The following ABL1 variants were observed in gnomAD, a reference collection of about 807,000 sequenced individuals.
ABL1 encodes the protein tyrosine-protein kinase ABL1.
Under a neutral mutation model 94.7 loss-of-function variants are expected in ABL1, and 11 were observed. That is an observed-to-expected ratio of 0.12 (90% CI 0.07 to 0.19). The LOEUF is 0.19. ABL1 is among the 10% of genes least tolerant of loss of function. The pLI, the probability that ABL1 is intolerant of heterozygous loss-of-function variation, is 1.00. For synonymous variants in ABL1, 656 were observed against 622.4 expected (o/e 1.05, Z -0.80); for missense variants, 1,082 against 1,489.4 (o/e 0.73, Z 4.50).
At chr9:130,828,007 T>C (rs1196473189) in intron 1 of ABL1, among the ~76,000 whole-genome samples, 1 of 150,862 alleles carries the variant, frequency 6.6e-6, no homozygotes, top group Non-Finnish European at 1.5e-5. Context: ...GAGAGAGAGA[T>C]TGCAAATGTC....
intron 10 of ABL1, among the ~76,000 whole-genome samples, chr9:130,883,268 C>A (rs1018136978): frequency 6.6e-6 from 1 of 152,152 alleles, no homozygotes; most frequent in Non-Finnish European, 1.5e-5. Context: ...GAGGCCAAGG[C>A]GGGTGGATCA....
Position 130,814,379 on chromosome 9 carries a change from G to C in ABL1, c.137-39685G>C, listed in dbSNP as rs563072317. Among the ~76,000 whole-genome samples the C allele has an allele frequency of 7.9e-5, 12 of 152,252 alleles. No homozygotes were observed. The East Asian group carries it at 2.3e-3, about 29-fold the overall frequency. ...ACAGAAATCATGAAACCAAAAGCTA[G>C]TTATTTGAGAGAGCAATGAAACTCA... On this transcript the variant is annotated intron_variant, in intron 1 of 10. Transcript: ENST00000372348. The surrounding 1 kb of genome is among the most constrained non-coding windows in gnomAD (Gnocchi z 4.4).
chr9:130,860,432 C>T (rs577475919), intron 3 of ABL1, among the ~76,000 whole-genome samples: 4 of 152,280 alleles, frequency 2.6e-5, no homozygotes, highest in Non-Finnish European at 5.9e-5. Flanking sequence ...AACACAGTAG[C>T]CAATGGGGGA....
chr9:130,856,175 A>G (rs967572996), intron 3 of ABL1, among the ~76,000 whole-genome samples: 1 of 151,558 alleles, frequency 6.6e-6, no homozygotes, highest in African/African-American at 2.4e-5. Flanking sequence ...TGCAACCTCC[A>G]CCTCCCGGGT....
chr9:130,799,451 C>T (rs1339088468), intron 1 of ABL1, among the ~76,000 whole-genome samples: 2 of 152,176 alleles, frequency 1.3e-5, no homozygotes, highest in Non-Finnish European at 2.9e-5. Flanking sequence ...TCTTCATGTA[C>T]TTCTAAGGGG....
intron 1 of ABL1, among the ~76,000 whole-genome samples, chr9:130,738,412 A>G (rs1449158990): frequency 1.3e-5 from 2 of 152,210 alleles, no homozygotes; most frequent in African/African-American, 4.8e-5. Flanking sequence ...CTTACTAGCA[A>G]TCCGGAGTTT....
intron 1 of ABL1, among the ~76,000 whole-genome samples, chr9:130,783,033 C>T (rs1427108109): frequency 6.6e-6 from 1 of 152,182 alleles, no homozygotes; most frequent in Non-Finnish European, 1.5e-5. Flanking sequence ...TCTCTTACAC[C>T]ATCACATCAT....
intron 1 of ABL1, among the ~76,000 whole-genome samples, chr9:130,821,519 C>G (rs1288830922): frequency 6.6e-6 from 1 of 152,054 alleles, no homozygotes; most frequent in Non-Finnish European, 1.5e-5. Context: ...ACATTTTTCT[C>G]TATTCACTAG....
intron 1 of ABL1, among the ~76,000 whole-genome samples, chr9:130,784,687 C>G (rs985229892): frequency 6.6e-6 from 1 of 152,068 alleles, no homozygotes; most frequent in Non-Finnish European, 1.5e-5. Context: ...GGTTGGTGGT[C>G]TTGAATTTTT....
intron 1 of ABL1, among the ~76,000 whole-genome samples, chr9:130,829,874 T>C (rs1275754809): frequency 1.3e-5 from 2 of 152,240 alleles, no homozygotes; most frequent in Admixed American, 6.5e-5. Context: ...TGGATGGTGA[T>C]AGTATAATAC....
chr9:130,730,564 T>G (rs1452148076), intron 1 of ABL1, among the ~76,000 whole-genome samples: 1 of 152,068 alleles, frequency 6.6e-6, no homozygotes, highest in African/African-American at 2.4e-5. Context: ...TTATTTATAT[T>G]TTTTTTCCTT....
chr9:130,729,827 C>T (rs1015352558), intron 1 of ABL1, among the ~76,000 whole-genome samples: 2 of 151,660 alleles, frequency 1.3e-5, no homozygotes, highest in African/African-American at 4.8e-5. Flanking sequence ...CCTCCACCTC[C>T]TGGGTTCAAG....
chr9:130,713,710 A>C (rs1831399624), exon 1 of ABL1, among the ~76,000 whole-genome samples: 1 of 152,226 alleles, frequency 6.6e-6, no homozygotes, highest in African/African-American at 2.4e-5. Context: ...CAGGCCTTTT[A>C]AAAAGCGGAC....
upstream of ABL1, chr9:130,834,749 G>A (rs915193032): frequency 7.3e-6 from 3 of 412,648 alleles, no homozygotes; most frequent in African/African-American, 6.1e-5. Context: ...TGGTTGTCCT[G>A]TGGGTGCCAG....
intron 1 of ABL1, among the ~76,000 whole-genome samples, chr9:130,737,667 C>T (rs1444104004): frequency 6.6e-6 from 1 of 152,084 alleles, no homozygotes; most frequent in Non-Finnish European, 1.5e-5. Context: ...AGTTTAAAGC[C>T]TGCTGAGCAC....
intron 1 of ABL1, among the ~76,000 whole-genome samples, chr9:130,759,131 GA>G (rs1342462591): frequency 1.5e-5 from 2 of 134,462 alleles, no homozygotes; most frequent in African/African-American, 6.4e-5. Flanking sequence ...ACTTAAACAT[GA>G]TTTTTTAAAA....
chr9:130,771,752 C>CTTTCTTTCTTTCTTTCT (rs530081755), intron 1 of ABL1, among the ~76,000 whole-genome samples: 9 of 106,900 alleles, frequency 8.4e-5, no homozygotes, highest in African/African-American at 1.4e-4. Flanking sequence ...TTCTTTCTTT[C>CTTTCTTTCTTTCTTTCT]TTTTTTTTTT....
chr9:130,882,082 G>C (rs1831466330), intron 10 of ABL1, among the ~76,000 whole-genome samples: 1 of 152,154 alleles, frequency 6.6e-6, no homozygotes. Context: ...ATGGCGTATA[G>C]ACTCTCCAGA....
chr9:130,757,197 G>A (rs1043537487), intron 1 of ABL1, among the ~76,000 whole-genome samples: 4 of 152,162 alleles, frequency 2.6e-5, no homozygotes, highest in African/African-American at 4.8e-5. Flanking sequence ...CAGCCCACTC[G>A]GGAAGAGCTC....
Sources: gnomAD v4.1 joint callset for allele counts (sites outside exome capture counted in the v4.1 genomes callset) on GRCh38, gnomAD v4.1.1 for gene constraint, Gnocchi (gnomAD v3.1) non-coding constraint, MANE v1.5 for transcripts, NCBI Gene and HGNC (gene_info 2026-07-23, HGNC 2026-07-21) for gene names.